SHANK2: variants seen among roughly 807,000 people sequenced by gnomAD.
The protein encoded by SHANK2 is SH3 and multiple ankyrin repeat domains protein 2.
Under a neutral mutation model 133.7 loss-of-function variants are expected in SHANK2, and 43 were observed. The observed-to-expected ratio is 0.32, with a 90% CI of 0.25 to 0.41. SHANK2 has a LOEUF of 0.41. Ranked by LOEUF, SHANK2 falls within the 10% of genes least tolerant of loss-of-function variation. The probability of loss-of-function intolerance (pLI) is 1.00; values close to 1 mark genes in which losing one functional copy is unlikely to be tolerated. For synonymous variants in SHANK2, 1,017 were observed against 952.8 expected (o/e 1.07, Z -1.24); for missense variants, 1,994 against 2,235.8 (o/e 0.89, Z 2.18).
intron 3 of SHANK2, among the ~76,000 whole-genome samples, chr11:71,125,629 G>A (rs1952167698): frequency 6.6e-6 from 1 of 152,250 alleles, no homozygotes; most frequent in Admixed American, 6.5e-5. Flanking sequence ...ACAGGAAAGT[G>A]TGAGGTGAAG....
intron 15 of SHANK2, among the ~76,000 whole-genome samples, chr11:70,684,006 A>T (rs1253033612): frequency 6.6e-6 from 1 of 152,024 alleles, no homozygotes; most frequent in Non-Finnish European, 1.5e-5. Context: ...CTGGTCTCGA[A>T]CTTCTGGCCT....
intron 17 of SHANK2, among the ~76,000 whole-genome samples, chr11:70,514,144 T>C (rs990522983): frequency 6.6e-6 from 1 of 152,192 alleles, no homozygotes; most frequent in African/African-American, 2.4e-5. Context: ...ATTTACATTA[T>C]TCACACTCTA....
At chr11:70,564,310 G>A (rs2059942388) in intron 17 of SHANK2, among the ~76,000 whole-genome samples, 1 of 151,394 alleles carries the variant, frequency 6.6e-6, no homozygotes, top group Non-Finnish European at 1.5e-5. Flanking sequence ...CCAGGCTGGA[G>A]TGCAGTGGTG....
At chr11:70,728,886 C>T (rs959860800) in intron 14 of SHANK2, among the ~76,000 whole-genome samples, 16 of 152,142 alleles carry the variant, frequency 1.1e-4, no homozygotes, top group Admixed American at 5.2e-4. Context: ...TGGTGCAGCA[C>T]GGACTGACTG....
intron 14 of SHANK2, among the ~76,000 whole-genome samples, chr11:70,781,308 C>T (rs561770747): frequency 1.3e-5 from 2 of 151,860 alleles, no homozygotes; most frequent in South Asian, 4.2e-4. Flanking sequence ...AGCTGCCCAA[C>T]AGGCACTGGC....
chr11:70,754,822 C>T (rs1284627358), intron 14 of SHANK2, among the ~76,000 whole-genome samples: 4 of 152,068 alleles, frequency 2.6e-5, no homozygotes, highest in African/African-American at 7.2e-5. Context: ...CCAGACAGCA[C>T]GTTTCCAAGA....
chr11:70,568,284 C>T lies in SHANK2; in HGVS notation c.2062-65353G>A, dbSNP rs527330709. Among the ~76,000 whole-genome samples, 53 of 152,322 alleles carry T rather than the reference C, an allele frequency of 3.5e-4. No homozygotes were observed. The South Asian group carries it at 0.011, about 30-fold the overall frequency. On this transcript the variant is annotated intron_variant, in intron 17 of 25. Transcript: ENST00000601538. The stretch of plus-strand genomic sequence containing the variant: ...TCTCCAGCACCAGGAAGAATCTTCA[C>T]TTCCTCTTCGAAACCGCCCTGGAAG...
chr11:71,106,629 T>C (rs988017823), intron 6 of SHANK2, among the ~76,000 whole-genome samples: 1 of 152,238 alleles, frequency 6.6e-6, no homozygotes, highest in Admixed American at 6.5e-5. Context: ...ACTATGGACC[T>C]TCTGCTTTGG....
At chr11:70,597,539 A>G (rs1440262484) in intron 17 of SHANK2, among the ~76,000 whole-genome samples, 1 of 152,148 alleles carries the variant, frequency 6.6e-6, no homozygotes, top group Non-Finnish European at 1.5e-5. Flanking sequence ...TTTACCTGGC[A>G]AAGTCCTCAT....
intron 11 of SHANK2, among the ~76,000 whole-genome samples, chr11:70,873,597 G>C (rs1313280897): frequency 6.6e-6 from 1 of 152,188 alleles, no homozygotes; most frequent in African/African-American, 2.4e-5. Context: ...GTCCCATCTG[G>C]GGCAGTTCTC....
At chr11:70,918,030 T>G (rs1950293909) in intron 10 of SHANK2, among the ~76,000 whole-genome samples, 1 of 151,890 alleles carries the variant, frequency 6.6e-6, no homozygotes, top group South Asian at 2.1e-4. Context: ...TTTTTTTTTT[T>G]TTTTTTTTTT....
intron 17 of SHANK2, among the ~76,000 whole-genome samples, chr11:70,610,248 T>C (rs1554993809): frequency 6.6e-6 from 1 of 152,114 alleles, no homozygotes; most frequent in Non-Finnish European, 1.5e-5. Context: ...CAATGGGAGC[T>C]TTGGTGCCCC....
At chr11:71,089,327 G>C (rs1362784567) in intron 8 of SHANK2, among the ~76,000 whole-genome samples, 1 of 152,192 alleles carries the variant, frequency 6.6e-6, no homozygotes. Context: ...ATGTCTCAGG[G>C]CGTGAGCGTC....
intron 10 of SHANK2, among the ~76,000 whole-genome samples, chr11:70,911,905 A>G (rs1049377681): frequency 2.0e-5 from 3 of 151,892 alleles, no homozygotes; most frequent in Non-Finnish European, 4.4e-5. Context: ...AACATGGTAA[A>G]ATCCCGTCTC....
chr11:70,564,952 C>G (rs1554981592), intron 17 of SHANK2, among the ~76,000 whole-genome samples: 1 of 152,174 alleles, frequency 6.6e-6, no homozygotes, highest in African/African-American at 2.4e-5. Flanking sequence ...CTACATTTAA[C>G]TTTTTGGACA....
At chr11:70,638,766 GA>G (rs1216391341) in intron 17 of SHANK2, among the ~76,000 whole-genome samples, 6 of 152,142 alleles carry the variant, frequency 3.9e-5, no homozygotes, top group Non-Finnish European at 2.9e-5. Context: ...CAGCACTTTA[GA>G]AGGCCGAGGC....
At chr11:70,849,637 A>G (rs1171131917) in intron 11 of SHANK2, among the ~76,000 whole-genome samples, 1 of 152,204 alleles carries the variant, frequency 6.6e-6, no homozygotes, top group Non-Finnish European at 1.5e-5. Context: ...AGCATGCAGT[A>G]GCCATACTCC....
rs530817188 is a variant in SHANK2, at chr11:70,901,888, C to G, written c.1108-5321G>C. Among the ~76,000 whole-genome samples the G allele has an allele frequency of 4.6e-5, 7 of 152,290 alleles. No individual in the cohort carries two copies. In the East Asian group the frequency reaches 1.4e-3, roughly 29 times the overall value. On this transcript the variant is annotated intron_variant, in intron 10 of 25. Transcript: ENST00000601538. ...GTGGGAGGAAGGTCAGAGGTCAGCA[C>G]AGAAGGCATCGACTGGTAAGTCATG...
intron 14 of SHANK2, among the ~76,000 whole-genome samples, chr11:70,789,636 G>C (rs1043693727): frequency 6.6e-6 from 1 of 152,216 alleles, no homozygotes; most frequent in Admixed American, 6.5e-5. Context: ...ATACGGCACA[G>C]GACATGCCAA....
Sources: gnomAD v4.1 joint callset for allele counts (sites outside exome capture counted in the v4.1 genomes callset) on GRCh38, gnomAD v4.1.1 for gene constraint, MANE v1.5 for transcripts, NCBI Gene and HGNC (gene_info 2026-07-23, HGNC 2026-07-21) for gene names.